GAREM1: variants seen among roughly 807,000 people sequenced by gnomAD.
GAREM1 encodes the protein GRB2-associated and regulator of MAPK protein 1.
A neutral mutation model predicts 71.3 loss-of-function variants in GAREM1; 26 were observed. That is an observed-to-expected ratio of 0.36 (90% CI 0.27 to 0.51). The LOEUF (loss-of-function observed/expected upper bound fraction) is 0.51, where lower values mean the gene tolerates loss of function less well. GAREM1 is among the 20% of genes least tolerant of loss of function. The pLI is 0.95. For missense variants in GAREM1, 1,026 were observed against 1,103.1 expected (o/e 0.93, Z 0.99); for synonymous variants, 440 against 433.2 (o/e 1.02, Z -0.20).
At chr18:32,461,639 G>C (rs2048954587) in intron 1 of GAREM1, among the ~76,000 whole-genome samples, 1 of 152,122 alleles carries the variant, frequency 6.6e-6, no homozygotes, top group African/African-American at 2.4e-5. Context: ...AGGCTGCAGT[G>C]AGCAATGATC....
At chr18:32,464,281 A>G (rs187491320) in intron 1 of GAREM1, among the ~76,000 whole-genome samples, 19 of 149,658 alleles carry the variant, frequency 1.3e-4, no homozygotes, top group Admixed American at 6.7e-4. Flanking sequence ...ACACAAAAAG[A>G]AAAAAAAAAG....
At position 32,287,067 on chromosome 18, in the gene GAREM1, G is replaced by T; in HGVS notation, c.1530C>A (p.Ala510=). The change falls in exon 4 of 6, where the codon GCC becomes GCA. Residue 510 remains alanine, a synonymous_variant. Transcript: ENST00000269209. The surrounding 1 kb of genome is among the most constrained non-coding windows in gnomAD (Gnocchi z 5.9). The stretch of plus-strand genomic sequence containing the variant: ...TGGGAGGCACTGGAGGTGGAGGTAG[G>T]GCAGTATCTGAAGACTTCACTGCTG... ...LGAAVKSSDT[A]LPPPPVPPKS... is the part of the protein sequence containing the mutation. 1 of 1,614,012 alleles carries T rather than the reference G, an allele frequency of 6.2e-7. No homozygotes were observed. The highest frequency in any genetic ancestry group is 8.5e-7 in the Non-Finnish European group (1 of 1,179,896).
chr18:32,362,563 A>C (rs1426562026), intron 2 of GAREM1, among the ~76,000 whole-genome samples: 1 of 152,202 alleles, frequency 6.6e-6, no homozygotes, highest in Non-Finnish European at 1.5e-5. Context: ...AACCATGAAA[A>C]CCTCAATTAT....
intron 1 of GAREM1, among the ~76,000 whole-genome samples, chr18:32,407,976 T>G (rs574370343): frequency 1.3e-5 from 2 of 150,896 alleles, no homozygotes; most frequent in African/African-American, 4.9e-5. Context: ...GTTTTGTCTT[T>G]TTTTTTTAAA....
chr18:32,373,778 T>C (rs1034549302), intron 2 of GAREM1, among the ~76,000 whole-genome samples: 1 of 152,114 alleles, frequency 6.6e-6, no homozygotes, highest in Non-Finnish European at 1.5e-5. Context: ...TGCTTTAGAG[T>C]GGACCAGATC....
intron 1 of GAREM1, among the ~76,000 whole-genome samples, chr18:32,445,818 G>C (rs1176700043): frequency 2.0e-5 from 3 of 151,888 alleles, no homozygotes; most frequent in Non-Finnish European, 2.9e-5. Context: ...AATAATCCCA[G>C]AATCAAGCCA....
intron 1 of GAREM1, among the ~76,000 whole-genome samples, chr18:32,429,815 G>A (rs913121418): frequency 6.6e-6 from 1 of 152,146 alleles, no homozygotes; most frequent in Non-Finnish European, 1.5e-5. Flanking sequence ...GTGCAGAGGA[G>A]GAATGACATT....
chr18:32,461,118 A>G (rs1367892845), intron 1 of GAREM1, among the ~76,000 whole-genome samples: 1 of 152,070 alleles, frequency 6.6e-6, no homozygotes, highest in Non-Finnish European at 1.5e-5. Flanking sequence ...TCTGCCTCAA[A>G]TGAAACAAAA....
chr18:32,422,135 C>T (rs1290103723), intron 1 of GAREM1, among the ~76,000 whole-genome samples: 7 of 152,036 alleles, frequency 4.6e-5, no homozygotes, highest in Admixed American at 4.6e-4. Flanking sequence ...GCTATCCCTC[C>T]CCCCTTCCCC....
chr18:32,268,011 A>G lies in GAREM1; in HGVS notation c.2491T>C (p.Ser831Pro). The change falls in exon 6 of 6, where the codon TCA becomes CCA. Residue 831 changes from serine to proline, a missense_variant. This residue lies in a region of GAREM1 where 636 missense variants were observed against 631.2 expected (regional missense o/e 1.01). Coordinates refer to ENST00000269209, the MANE Select transcript of GAREM1 (RefSeq NM_001242409.2). ...RFIGLSEDVI[S>P]FFVTEKIDGN... ...TCAATCTTTTCAGTAACAAAGAATGATATGACATCTTCGGACAAACCAATG... is the reference window on the plus strand; with the variant it reads ...TCAATCTTTTCAGTAACAAAGAATGGTATGACATCTTCGGACAAACCAATG... 1 of 1,614,108 alleles carries G rather than the reference A, an allele frequency of 6.2e-7. No homozygotes were observed. Among genetic ancestry groups the G allele is most frequent in the African/African-American group, 1.3e-5 (1 of 75,038 alleles).
intron 1 of GAREM1, among the ~76,000 whole-genome samples, chr18:32,421,298 G>A (rs2048517514): frequency 6.6e-6 from 1 of 152,106 alleles, no homozygotes; most frequent in African/African-American, 2.4e-5. Flanking sequence ...ACAAAGCTTG[G>A]CTAAAATGAT....
chr18:32,345,949 G>A (rs1280736193), intron 2 of GAREM1, among the ~76,000 whole-genome samples: 3 of 152,084 alleles, frequency 2.0e-5, no homozygotes, highest in African/African-American at 4.8e-5. Context: ...CTATCGTAAG[G>A]TGAATTTTAA....
chr18:32,353,086 T>C (rs1163878261), intron 2 of GAREM1, among the ~76,000 whole-genome samples: 1 of 152,220 alleles, frequency 6.6e-6, no homozygotes, highest in Non-Finnish European at 1.5e-5. Context: ...AACAGATAAG[T>C]AAGTTATGTG....
intron 1 of GAREM1, among the ~76,000 whole-genome samples, chr18:32,418,166 A>G (rs979738522): frequency 1.3e-5 from 2 of 152,216 alleles, no homozygotes; most frequent in African/African-American, 4.8e-5. Context: ...TAAAGTGTCT[A>G]AAAACACCAA....
intron 2 of GAREM1, among the ~76,000 whole-genome samples, chr18:32,378,944 G>C (rs148041461): frequency 2.1e-4 from 32 of 152,264 alleles, no homozygotes; most frequent in African/African-American, 7.7e-4. Context: ...CACTGCTTAC[G>C]GGAGACAGAT....
intron 3 of GAREM1, among the ~76,000 whole-genome samples, chr18:32,305,288 TTC>T (rs763932007): frequency 6.6e-6 from 1 of 152,254 alleles, no homozygotes. Flanking sequence ...ATCTCCCACT[TTC>T]TGTTTCTACC....
chr18:32,385,728 C>T (rs891728628), intron 2 of GAREM1, among the ~76,000 whole-genome samples: 12 of 152,248 alleles, frequency 7.9e-5, no homozygotes, highest in Middle Eastern at 3.4e-3. Context: ...TAGCACTTTC[C>T]AGGGAATAGT....
intron 2 of GAREM1, among the ~76,000 whole-genome samples, chr18:32,360,550 A>G (rs2047855910): frequency 6.6e-6 from 1 of 151,816 alleles, no homozygotes; most frequent in Non-Finnish European, 1.5e-5. Context: ...TGTTGTATCT[A>G]CAGATCTTTT....
intron 1 of GAREM1, among the ~76,000 whole-genome samples, chr18:32,400,515 A>G (rs2048304536): frequency 6.6e-6 from 1 of 152,250 alleles, no homozygotes; most frequent in Non-Finnish European, 1.5e-5. Context: ...TGGGTGAAGG[A>G]TATGAACAGA....
Sources: gnomAD v4.1 joint callset for allele counts (sites outside exome capture counted in the v4.1 genomes callset) on GRCh38, gnomAD v4.1.1 for gene constraint, gnomAD v4.1.1 regional missense constraint, Gnocchi (gnomAD v3.1) non-coding constraint, MANE v1.5 for transcripts, NCBI Gene and HGNC (gene_info 2026-07-23, HGNC 2026-07-21) for gene names.